Variants in USP13 observed in about 807,000 individuals in gnomAD.
The protein encoded by USP13 is ubiquitin carboxyl-terminal hydrolase 13.
USP13 carries 68 observed loss-of-function variants against 107.8 expected under a neutral mutation model. The ratio of observed to expected loss-of-function variants is 0.63; its 90% CI spans 0.52 to 0.77. The LOEUF (loss-of-function observed/expected upper bound fraction) is 0.77, where lower values mean the gene tolerates loss of function less well. Among genes scored for constraint, USP13 ranks in the 30% least tolerant of loss-of-function variants. The pLI is 0.00. For missense variants in USP13, 945 were observed against 1,093.3 expected (o/e 0.86, Z 1.91); for synonymous variants, 377 against 389.5 (o/e 0.97, Z 0.38).
At chr3:179,767,978 T>G (rs1220652035) in intron 19 of USP13, among the ~76,000 whole-genome samples, 3 of 152,214 alleles carry the variant, frequency 2.0e-5, no homozygotes, top group Non-Finnish European at 4.4e-5. Context: ...TAAGAAAGGA[T>G]GAGATGTCGT....
intron 13 of USP13, among the ~76,000 whole-genome samples, chr3:179,746,519 G>A (rs1283302493): frequency 2.0e-5 from 3 of 151,788 alleles, no homozygotes; most frequent in East Asian, 1.9e-4. Context: ...CACAACCTAC[G>A]CCTCCCAGGT....
At chr3:179,732,714 G>A (rs1576961953) in intron 10 of USP13, among the ~76,000 whole-genome samples, 1 of 151,432 alleles carries the variant, frequency 6.6e-6, no homozygotes, top group Non-Finnish European at 1.5e-5. Flanking sequence ...ATAAAATTTG[G>A]TTTTGTTAAT....
intron 1 of USP13, among the ~76,000 whole-genome samples, chr3:179,672,417 G>A (rs1007224123): frequency 2.1e-5 from 3 of 144,454 alleles, no homozygotes; most frequent in Admixed American, 1.4e-4. Flanking sequence ...ACAGTGTGTC[G>A]CTCTGTTGCC....
At chr3:179,770,091 C>T (rs1003130161) in intron 19 of USP13, among the ~76,000 whole-genome samples, 2 of 152,078 alleles carry the variant, frequency 1.3e-5, no homozygotes, top group African/African-American at 4.8e-5. Context: ...ATCTTTATTG[C>T]CTAGTTATTT....
chr3:179,667,522 T>TG (rs752777324), intron 1 of USP13, among the ~76,000 whole-genome samples: 27 of 152,238 alleles, frequency 1.8e-4, no homozygotes, highest in Non-Finnish European at 2.9e-4. Flanking sequence ...TGTGTTCGTA[T>TG]GCCGATGGTT....
At chr3:179,740,436 A>C in intron 11 of USP13, 64 bp downstream of exon 11, 1 of 1,605,538 alleles carries the variant, frequency 6.2e-7, no homozygotes, top group Non-Finnish European at 8.5e-7. Flanking sequence ...CACTCAGTGC[A>C]GTCTGCTGTG....
chr3:179,746,973 A>G (rs577077167), intron 13 of USP13, among the ~76,000 whole-genome samples: 27 of 152,374 alleles, frequency 1.8e-4, no homozygotes, highest in African/African-American at 6.5e-4. Flanking sequence ...AATTTATTTC[A>G]AAAAGGAAAA....
rs71182509 is a variant in USP13, at chr3:179,687,659, C to CAAAAAAAAAAAAAAAAAAAAAA, written c.295-2577_295-2556dup. Among the ~76,000 whole-genome samples the CAAAAAAAAAAAAAAAAAAAAAA allele has an allele frequency of 1.4e-3, 26 of 18,518 alleles. 5 individuals are homozygous for CAAAAAAAAAAAAAAAAAAAAAA. Among genetic ancestry groups the CAAAAAAAAAAAAAAAAAAAAAA allele is most frequent in the Non-Finnish European group, 2.4e-3 (14 of 5,928 alleles). The allele number at this position is 18,518 out of a possible 152,430, so 12.1% of individuals were successfully genotyped here. Reference sequence around the variant, plus strand: ...GGGCAACAAGAGTGAAACTCTGTCTCAAAAAAAAAAAAAAAAAAAAAAAAA... The same window carrying CAAAAAAAAAAAAAAAAAAAAAA: ...GGGCAACAAGAGTGAAACTCTGTCTCAAAAAAAAAAAAAAAAAAAAAAAAAAAAAAAAAAAAAAAAAAAAAAA... On this transcript the variant is annotated intron_variant, in intron 2 of 20. Coordinates refer to ENST00000263966, the MANE Select transcript of USP13 (RefSeq NM_003940.3).
At position 179,754,808 on chromosome 3, in the gene USP13, A is replaced by C. The variant is rs778887879; in HGVS notation, c.1875A>C (p.Glu625Asp). 2.3e-5 allele frequency: 37 copies of C among 1,613,160 alleles called. No individual in the cohort carries two copies. Among genetic ancestry groups the C allele is most frequent in the Non-Finnish European group, 3.1e-5 (37 of 1,179,672 alleles). The change falls in exon 15 of 21, where the codon GAA becomes GAC. Residue 625 changes from glutamate to aspartate, a missense_variant. Coordinates refer to ENST00000263966, the MANE Select transcript of USP13 (RefSeq NM_003940.3). Reference sequence around the variant, plus strand: ...GGGGGTTACAGCCAGGAGAGGAAGAACTTCCAGACATCAGCCCCCCCATAG... The same window carrying C: ...GGGGGTTACAGCCAGGAGAGGAAGACCTTCCAGACATCAGCCCCCCCATAG... ...RARGLQPGEE[E>D]LPDISPPIVI...
chr3:179,778,761 C>T (rs1320728317), intron 19 of USP13, among the ~76,000 whole-genome samples: 5 of 150,738 alleles, frequency 3.3e-5, no homozygotes, highest in Admixed American at 6.6e-5. Flanking sequence ...GGCAAAACTC[C>T]GTCTCAAAGA....
rs545715332 is a variant in USP13 at position 179,686,690 on chromosome 3, A to G, written c.295-3551A>G. Among the ~76,000 whole-genome samples, 6 of 152,360 alleles carry G rather than the reference A, an allele frequency of 3.9e-5. No homozygotes were observed. The South Asian group carries it at 1.0e-3, about 26-fold the overall frequency. Reference sequence around the variant, plus strand: ...TAAAAACTTTTCTGATCTGGTCTGTACTACATCTGCCACTAAGACTCAACA... The same window carrying G: ...TAAAAACTTTTCTGATCTGGTCTGTGCTACATCTGCCACTAAGACTCAACA... On this transcript the variant is annotated intron_variant, in intron 2 of 20. Transcript: ENST00000263966.
At chr3:179,664,257 A>AT (rs966157944) in intron 1 of USP13, among the ~76,000 whole-genome samples, 11 of 150,620 alleles carry the variant, frequency 7.3e-5, no homozygotes, top group East Asian at 2.0e-4. Context: ...ATGCCCGGAT[A>AT]TTTTTTTTGT....
At chr3:179,672,221 C>A (rs1271135349) in intron 1 of USP13, among the ~76,000 whole-genome samples, 1 of 152,266 alleles carries the variant, frequency 6.6e-6, no homozygotes, top group Non-Finnish European at 1.5e-5. Flanking sequence ...AATATAAAAT[C>A]AGTGACTTTG....
At chr3:179,671,937 C>T (rs1403372507) in intron 1 of USP13, among the ~76,000 whole-genome samples, 1 of 152,180 alleles carries the variant, frequency 6.6e-6, no homozygotes, top group African/African-American at 2.4e-5. Context: ...TTGTTTTCCA[C>T]AGGAGACACT....
At chr3:179,752,659 A>T (rs955580326) in intron 14 of USP13, among the ~76,000 whole-genome samples, 1 of 152,236 alleles carries the variant, frequency 6.6e-6, no homozygotes, top group Non-Finnish European at 1.5e-5. Context: ...TAATGTGCAT[A>T]TGAATTATCT....
intron 1 of USP13, among the ~76,000 whole-genome samples, chr3:179,676,678 G>A (rs1027683227): frequency 6.6e-6 from 1 of 152,186 alleles, no homozygotes; most frequent in Non-Finnish European, 1.5e-5. Context: ...AGAGAAGAAA[G>A]CATGGATTAT....
chr3:179,722,604 C>A (rs993236780), intron 8 of USP13, among the ~76,000 whole-genome samples: 2 of 152,004 alleles, frequency 1.3e-5, no homozygotes, highest in African/African-American at 4.8e-5. Flanking sequence ...TTGGGGTATT[C>A]ATCACCTCAA....
intron 13 of USP13, among the ~76,000 whole-genome samples, chr3:179,746,811 C>G (rs534007431): frequency 6.6e-6 from 1 of 151,938 alleles, no homozygotes; most frequent in Non-Finnish European, 1.5e-5. Context: ...GTGATCTGCC[C>G]TCCTCAGCCT....
intron 13 of USP13, 64 bp from the exon 14 acceptor site, chr3:179,752,221 T>C: frequency 6.8e-7 from 1 of 1,470,640 alleles, no homozygotes. Context: ...TTGATATGCT[T>C]TTTGAACTGT....
Sources: allele counts gnomAD v4.1 joint callset (sites outside exome capture counted in the v4.1 genomes callset), GRCh38; gene constraint gnomAD v4.1.1; transcripts MANE v1.5; gene names NCBI Gene and HGNC (gene_info 2026-07-23, HGNC 2026-07-21).